The following CRB1 variants were observed in gnomAD, a reference collection of about 807,000 sequenced individuals.
The protein encoded by CRB1 is protein crumbs homolog 1.
In CRB1, 83 loss-of-function variants were observed where a neutral mutation model predicts 120.0. That is an observed-to-expected ratio of 0.69 (90% confidence interval 0.58 to 0.83). The LOEUF (loss-of-function observed/expected upper bound fraction) is 0.83, where lower values mean the gene tolerates loss of function less well. Among genes scored for constraint, CRB1 ranks in the 40% least tolerant of loss-of-function variants. The probability of loss-of-function intolerance (pLI) is 0.00; values close to 1 mark genes in which losing one functional copy is unlikely to be tolerated. For missense variants in CRB1, 1,699 were observed against 1,687.6 expected, an observed-to-expected ratio of 1.01 and a Z score of -0.12; for synonymous variants, 625 against 612.5, an observed-to-expected ratio of 1.02 and a Z score of -0.30.
In CRB1 at chr1:197,427,565, A is replaced by G. The variant is rs763291563; in HGVS notation, c.2240A>G (p.Gln747Arg). The change falls in exon 7 of 12, where the codon CAA (glutamine) becomes CGA (arginine). Residue 747 changes from glutamine to arginine, a missense_variant. Physicochemically the swap from Gln to Arg is conservative, Grantham distance 43. Transcript: ENST00000367400. ...ISLSMFVRTLQPSGLLLALEN... is the reference protein window; with the variant it reads ...ISLSMFVRTLRPSGLLLALEN... ...CTCTCCATGTTTGTCCGAACGCTTC[A>G]ACCATCAGGCTTACTTCTAGCTTTG... 1 of 1,614,024 alleles carries G rather than the reference A, an allele frequency of 6.2e-7. No individual in the cohort carries two copies.
At chr1:197,391,207 G>T (rs1240381470) in intron 5 of CRB1, among the ~76,000 whole-genome samples, 1 of 152,070 alleles carries the variant, frequency 6.6e-6, no homozygotes, top group Non-Finnish European at 1.5e-5. Context: ...TCCCTTAAGA[G>T]ATTGCTGGAG....
chr1:197,222,623 G>C, the CRB1 span: 1 of 774,198 alleles, frequency 1.3e-6, no homozygotes, highest in Non-Finnish European at 2.4e-6. Flanking sequence ...ATTTGGTAGG[G>C]AAGGCAAACT....
chr1:197,319,609 G>A (rs900607944), intron 1 of CRB1, among the ~76,000 whole-genome samples: 1 of 151,970 alleles, frequency 6.6e-6, no homozygotes, highest in African/African-American at 2.4e-5. Context: ...CTCTCTGAGT[G>A]TAAACAAAAT....
the CRB1 span, chr1:197,222,523 G>A: frequency 2.6e-6 from 2 of 768,308 alleles, no homozygotes; most frequent in African/African-American, 3.4e-5. Context: ...GTTCCGTTTG[G>A]TCTTGGCAGT....
At chr1:197,229,395 C>T in the CRB1 span, among the ~76,000 whole-genome samples, 1 of 152,176 alleles carries the variant, frequency 6.6e-6, no homozygotes, top group Non-Finnish European at 1.5e-5. Context: ...TGCTCAGACA[C>T]AAGCCTAGAG....
chr1:197,308,672 T>G (rs187480374), intron 1 of CRB1, among the ~76,000 whole-genome samples: 1 of 152,136 alleles, frequency 6.6e-6, no homozygotes, highest in Admixed American at 6.6e-5. Context: ...ATTTATCTAT[T>G]AGTTGTATGA....
Position 197,435,303 on chromosome 1 carries a change from C to T in CRB1, c.3440C>T (p.Pro1147Leu), listed in dbSNP as rs1034421454. The change falls in exon 9 of 12, where the codon CCC becomes CTC. Residue 1147 changes from proline (P) to leucine (L), a missense_variant. Coordinates refer to ENST00000367400, the MANE Select transcript of CRB1 (RefSeq NM_201253.3). ...CLQLNVCNSNPCLHGGNCEDI... is the reference protein window; with the variant it reads ...CLQLNVCNSNLCLHGGNCEDI... Reference sequence around the variant, plus strand: ...CAGTTAAATGTCTGCAACTCCAACCCCTGTTTGCATGGAGGAAACTGTGAA... The same window carrying T: ...CAGTTAAATGTCTGCAACTCCAACCTCTGTTTGCATGGAGGAAACTGTGAA... The T allele has an allele frequency of 7.4e-6, 12 of 1,613,706 alleles. No individual in the cohort carries two copies. The highest frequency in any genetic ancestry group is 1.0e-5 in the Non-Finnish European group (12 of 1,179,834).
At chr1:197,476,385 T>TGTGTGTGTGTGTGC (rs1667198184) in intron 11 of CRB1, among the ~76,000 whole-genome samples, 1 of 141,450 alleles carries the variant, frequency 7.1e-6, no homozygotes, top group Non-Finnish European at 1.6e-5. Context: ...TGTGTGTGTG[T>TGTGTGTGTGTGTGC]GTGTGTGTGT....
Position 197,442,210 on chromosome 1 carries a change from A to G in CRB1, c.3923A>G (p.Asn1308Ser), listed in dbSNP as rs747631811. Residue 1308 changes from asparagine (N) to serine (S), a missense_variant, in exon 11 of 12, where the codon AAT becomes AGT. Physicochemically the swap from Asn to Ser is conservative, Grantham distance 46 (BLOSUM62 1). Coordinates refer to ENST00000367400, the MANE Select transcript of CRB1 (RefSeq NM_201253.3). ...IDECASDPCV[N>S]GGLCQDLLNK... Reference sequence around the variant, plus strand: ...GAGTGTGCCTCTGATCCGTGTGTCAATGGAGGTCTGTGCCAGGACTTACTC... The same window carrying G: ...GAGTGTGCCTCTGATCCGTGTGTCAGTGGAGGTCTGTGCCAGGACTTACTC... 3.1e-6 allele frequency: 5 copies of G among 1,614,022 alleles called. No individual in the cohort carries two copies. In the South Asian group the frequency reaches 3.3e-5, roughly 11 times the overall value.
chr1:197,257,868 T>C, the CRB1 span, among the ~76,000 whole-genome samples: 7 of 152,200 alleles, frequency 4.6e-5, no homozygotes, highest in African/African-American at 1.7e-4. Flanking sequence ...CTCCCAGCTC[T>C]GCTGCTGTAC....
intron 2 of CRB1, among the ~76,000 whole-genome samples, chr1:197,339,128 T>C (rs1347006479): frequency 6.6e-6 from 1 of 152,250 alleles, no homozygotes. Flanking sequence ...AGAAATCTCA[T>C]TGGCTAAAAC....
chr1:197,341,683 C>G (rs1659468839), intron 2 of CRB1, among the ~76,000 whole-genome samples: 1 of 152,192 alleles, frequency 6.6e-6, no homozygotes, highest in Admixed American at 6.5e-5. Flanking sequence ...ATAGTCTCTT[C>G]TCAACTACGA....
At chr1:197,431,908 A>C in intron 8 of CRB1, among the ~76,000 whole-genome samples, 1 of 152,170 alleles carries the variant, frequency 6.6e-6, no homozygotes, top group East Asian at 1.9e-4. Flanking sequence ...TTTTAATTTT[A>C]TGTAATCTTA....
chr1:197,343,394 T>C (rs1053633866), intron 2 of CRB1, among the ~76,000 whole-genome samples: 1 of 152,186 alleles, frequency 6.6e-6, no homozygotes, highest in Non-Finnish European at 1.5e-5. Context: ...AATAGTTTGT[T>C]ATTTAAATAC....
At chr1:197,252,625 G>A in the CRB1 span, among the ~76,000 whole-genome samples, 2 of 105,730 alleles carry the variant, frequency 1.9e-5, no homozygotes, top group African/African-American at 6.7e-5. Context: ...ATATATATAT[G>A]TGTGTTTATA....
At chr1:197,222,960 T>C in the CRB1 span, 2 of 857,926 alleles carry the variant, frequency 2.3e-6, no homozygotes, top group African/African-American at 1.7e-5. Context: ...GCAGATAACA[T>C]GTACAATCTT....
Position 197,328,857 on chromosome 1 carries a change from G to A in CRB1, c.506G>A (p.Gly169Asp), listed in dbSNP as rs150314336. 2.5e-6 allele frequency: 4 copies of A among 1,614,064 alleles called. No individual in the cohort carries two copies. The African/African-American group carries it at 5.3e-5, about 22-fold the overall frequency. The change falls in exon 2 of 12, where the codon GGT becomes GAT. Residue 169 changes from glycine (G) to aspartate (D), a missense_variant. Coordinates refer to ENST00000367400, the MANE Select transcript of CRB1 (RefSeq NM_201253.3). ...NGAVCQDGID[G>D]YSCFCVPGYQ... ...GCCGTGTGCCAGGATGGAATTGATG[G>A]TTACTCCTGCTTCTGTGTCCCAGGA... is the stretch of plus-strand genomic sequence containing the variant.
rs1659842170 is a variant in CRB1 at position 197,347,437 on chromosome 1, T to C, written c.946T>C (p.Cys316Arg). Residue 316 changes from cysteine (C) to arginine (R), a missense_variant, in exon 4 of 12, where the codon TGT becomes CGT. Cys to Arg is a radical substitution (Grantham distance 180, BLOSUM62 -3). Coordinates refer to ENST00000367400, the MANE Select transcript of CRB1 (RefSeq NM_201253.3). ...AAAACCTTGTCACAATAATGCTACA[T>C]GTGAGGACAGTGTTGACAATTACAC... is the stretch of plus-strand genomic sequence containing the variant. Reference protein sequence around the residue: ...WSKPCHNNATCEDSVDNYTCH... With the variant: ...WSKPCHNNATREDSVDNYTCH... 5 of 1,614,050 alleles carry C rather than the reference T, an allele frequency of 3.1e-6. No homozygotes were observed. The highest frequency in any genetic ancestry group is 2.5e-6 in the Non-Finnish European group (3 of 1,180,002).
At chr1:197,426,140 C>T (rs1664571687) in intron 6 of CRB1, among the ~76,000 whole-genome samples, 2 of 151,986 alleles carry the variant, frequency 1.3e-5, no homozygotes, top group South Asian at 4.2e-4. Context: ...CTTCCAGTTG[C>T]TTAGGCCCAA....
Sources: allele counts gnomAD v4.1 joint callset (sites outside exome capture counted in the v4.1 genomes callset), GRCh38; gene constraint gnomAD v4.1.1; transcripts MANE v1.5; gene names NCBI Gene and HGNC (gene_info 2026-07-23, HGNC 2026-07-21).